Variants in PARD3 observed in about 807,000 individuals in gnomAD.
PARD3 encodes partitioning defective 3 homolog.
Under a neutral mutation model 155.4 loss-of-function variants are expected in PARD3, and 75 were observed. That is an observed-to-expected ratio of 0.48 (90% CI 0.40 to 0.58). The LOEUF is 0.58. PARD3 is among the 20% of genes least tolerant of loss of function. The probability of loss-of-function intolerance (pLI) is 0.00; values close to 1 mark genes in which losing one functional copy is unlikely to be tolerated. For synonymous variants in PARD3, 576 were observed against 610.5 expected (o/e 0.94, Z 0.83); for missense variants, 1,642 against 1,721.7 (o/e 0.95, Z 0.82).
At chr10:34,793,726 CAGTG>C (rs1841935841) in intron 1 of PARD3, among the ~76,000 whole-genome samples, 5 of 150,732 alleles carry the variant, frequency 3.3e-5, no homozygotes, top group African/African-American at 1.2e-4. Context: ...GCGGAGGTTG[CAGTG>C]AGCCAAGACT....
chr10:34,764,042 T>C (rs911935936), intron 1 of PARD3, among the ~76,000 whole-genome samples: 1 of 152,194 alleles, frequency 6.6e-6, no homozygotes, highest in Non-Finnish European at 1.5e-5. Context: ...ACGGAATTTG[T>C]ACAACACCGT....
chr10:34,229,489 T>C (rs923703891), intron 22 of PARD3, among the ~76,000 whole-genome samples: 1 of 152,096 alleles, frequency 6.6e-6, no homozygotes, highest in Non-Finnish European at 1.5e-5. Context: ...CATTGAGTGA[T>C]TCTCCTACCC....
intron 21 of PARD3, among the ~76,000 whole-genome samples, chr10:34,282,651 G>T (rs572883590): frequency 2.6e-5 from 4 of 152,078 alleles, no homozygotes; most frequent in Non-Finnish European, 4.4e-5. Context: ...TATAGGGGAG[G>T]TATAATGTTT....
At chr10:34,674,003 A>C (rs77549757) in intron 2 of PARD3, among the ~76,000 whole-genome samples, 3 of 144,756 alleles carry the variant, frequency 2.1e-5, no homozygotes, top group Non-Finnish European at 3.1e-5. Flanking sequence ...AAAAACAAAC[A>C]AACAGGAGGA....
intron 2 of PARD3, among the ~76,000 whole-genome samples, chr10:34,687,982 G>C (rs142724960): frequency 6.8e-6 from 1 of 146,434 alleles, no homozygotes; most frequent in Non-Finnish European, 1.5e-5. Context: ...CAGCCTTTGA[G>C]TAGCTCAGAC....
chr10:34,477,941 A>C (rs2078820492), intron 3 of PARD3, among the ~76,000 whole-genome samples: 1 of 152,236 alleles, frequency 6.6e-6, no homozygotes, highest in Non-Finnish European at 1.5e-5. Flanking sequence ...CCAAGTTATT[A>C]TCACATGCTG....
chr10:34,467,862 G>T (rs2078108696), intron 4 of PARD3, among the ~76,000 whole-genome samples: 1 of 152,182 alleles, frequency 6.6e-6, no homozygotes, highest in South Asian at 2.1e-4. Context: ...TGCTGCAGAG[G>T]TTTTAAGGCT....
intron 22 of PARD3, among the ~76,000 whole-genome samples, chr10:34,219,368 T>C (rs1049627543): frequency 6.6e-6 from 1 of 152,224 alleles, no homozygotes; most frequent in African/African-American, 2.4e-5. Flanking sequence ...TGGTTCCATT[T>C]ATTATGGTAC....
intron 22 of PARD3, among the ~76,000 whole-genome samples, chr10:34,174,645 G>C (rs1288672607): frequency 1.3e-5 from 2 of 152,082 alleles, no homozygotes; most frequent in Non-Finnish European, 2.9e-5. Context: ...AAAGAGCTTG[G>C]GTTCTATCCA....
chr10:34,349,515 T>C (rs138086491), intron 14 of PARD3, among the ~76,000 whole-genome samples: 34 of 122,724 alleles, frequency 2.8e-4, no homozygotes, highest in African/African-American at 9.7e-4. Flanking sequence ...GTCTCTGATG[T>C]AAAGAAATAA....
At chr10:34,204,629 G>A (rs566227882) in intron 22 of PARD3, among the ~76,000 whole-genome samples, 3 of 152,122 alleles carry the variant, frequency 2.0e-5, no homozygotes, top group African/African-American at 4.8e-5. Context: ...ACTCCTGGAT[G>A]CCCTAACTTG....
intron 1 of PARD3, among the ~76,000 whole-genome samples, chr10:34,697,795 G>A (rs1399103325): frequency 7.1e-5 from 4 of 56,582 alleles, no homozygotes; most frequent in Non-Finnish European, 2.0e-4. Context: ...ACACACACAC[G>A]TTGGCATCCT....
chr10:34,258,445 G>T (rs1954772593), intron 22 of PARD3, among the ~76,000 whole-genome samples: 1 of 152,192 alleles, frequency 6.6e-6, no homozygotes, highest in African/African-American at 2.4e-5. Flanking sequence ...TGTGTGGGTT[G>T]TGATTGCGTT....
Position 34,231,266 on chromosome 10 carries a change from CAAAAAAA to C in PARD3, c.3419+38384_3419+38390del, listed in dbSNP as rs57175956. On this transcript the variant is annotated intron_variant, in intron 22 of 24. Transcript: ENST00000374788. ...CTAGTGTTATTAATATAATCTTAGG[CAAAAAAA>C]AAAAAAAAAAAAAAAGAACTTGTTC... 3.9e-3 allele frequency among the ~76,000 whole-genome samples: 322 copies of C among 81,848 alleles called. 2 individuals carry two copies. Among genetic ancestry groups the C allele is most frequent in the Non-Finnish European group, 5.7e-3 (252 of 44,492 alleles). 53.7% of individuals were successfully genotyped at this position (81,848 alleles called of 152,430 possible).
chr10:34,159,644 T>G (rs530661735), intron 22 of PARD3, among the ~76,000 whole-genome samples: 2 of 152,316 alleles, frequency 1.3e-5, no homozygotes, highest in Non-Finnish European at 2.9e-5. Context: ...AAAGACAGTT[T>G]CAACAAGGTC....
chr10:34,362,216 G>A lies in PARD3; in HGVS notation c.1708-1957C>T, dbSNP rs143081701. 4.1e-3 allele frequency among the ~76,000 whole-genome samples: 619 copies of A among 152,156 alleles called. 2 individuals are homozygous for A. The highest frequency in any genetic ancestry group is 0.014 in the African/African-American group (588 of 41,510). ...TGGGAGGCTGAGGCAGGAGAATGGC[G>A]TGAACCTAGGAGGTGGACCTTGCAG... On this transcript the variant is annotated intron_variant, in intron 12 of 24. Transcript: ENST00000374788.
intron 2 of PARD3, among the ~76,000 whole-genome samples, chr10:34,621,930 T>C (rs1269411240): frequency 6.6e-6 from 1 of 152,246 alleles, no homozygotes; most frequent in Non-Finnish European, 1.5e-5. Flanking sequence ...TAACAGTCCA[T>C]GTAAGTTGAA....
At chr10:34,444,044 A>G (rs1049980604) in intron 5 of PARD3, among the ~76,000 whole-genome samples, 1 of 152,174 alleles carries the variant, frequency 6.6e-6, no homozygotes, top group Non-Finnish European at 1.5e-5. Context: ...CTCCAATTAA[A>G]AGATGTTTTT....
chr10:34,803,566 G>T (rs1054286552), intron 1 of PARD3, among the ~76,000 whole-genome samples: 1 of 152,092 alleles, frequency 6.6e-6, no homozygotes, highest in Non-Finnish European at 1.5e-5. Context: ...CAAGGCAGGC[G>T]GATGACTTTA....
Sources: allele counts gnomAD v4.1 joint callset (sites outside exome capture counted in the v4.1 genomes callset), GRCh38; gene constraint gnomAD v4.1.1; transcripts MANE v1.5; gene names NCBI Gene and HGNC (gene_info 2026-07-23, HGNC 2026-07-21).